Variants in PLEKHB1 observed in about 807,000 individuals in gnomAD.
PLEKHB1 encodes the protein pleckstrin homology domain containing B1, also known as pleckstrin homology domain-containing family B member 1.
A neutral mutation model predicts 36.2 loss-of-function variants in PLEKHB1; 29 were observed. That is an observed-to-expected ratio of 0.80 (90% CI 0.60 to 1.09). The LOEUF (loss-of-function observed/expected upper bound fraction) is 1.09, where lower values mean the gene tolerates loss of function less well. PLEKHB1 is among the 50% of genes least tolerant of loss of function. The probability of loss-of-function intolerance (pLI) is 0.00; values close to 1 mark genes in which losing one functional copy is unlikely to be tolerated. For synonymous variants in PLEKHB1, 138 were observed against 140.0 expected, an observed-to-expected ratio of 0.99 and a Z score of 0.10; for missense variants, 330 against 348.2, an observed-to-expected ratio of 0.95 and a Z score of 0.42.
intron 1 of PLEKHB1, 86 bp from the exon 2 acceptor site, chr11:73,648,926 G>C (rs1944825077): frequency 8.6e-6 from 13 of 1,517,452 alleles, no homozygotes; most frequent in Admixed American, 2.2e-5. Context: ...ACGTTTCCTG[G>C]GTGGCTCCCC....
chr11:73,654,238 G>A (rs1944952482), intron 5 of PLEKHB1, among the ~76,000 whole-genome samples: 1 of 152,210 alleles, frequency 6.6e-6, no homozygotes, highest in African/African-American at 2.4e-5. Flanking sequence ...GGAAGTGGCG[G>A]TTTGAAGAGC....
At chr11:73,650,758 G>T in intron 3 of PLEKHB1, 53 bp downstream of exon 3, 5 of 1,506,510 alleles carry the variant, frequency 3.3e-6, no homozygotes, top group Non-Finnish European at 4.4e-6. Context: ...AGAGCCTCCC[G>T]CTGTCTCCGA....
rs747993373 is a variant in PLEKHB1, at chr11:73,651,769, T to G, written c.248-19T>G. On this transcript the variant is annotated intron_variant, in intron 3 of 7. Coordinates refer to ENST00000354190, the MANE Select transcript of PLEKHB1 (RefSeq NM_021200.3). ...GGGCTTGTGCCTGTGGAAACCCATA[T>G]ATGTGTGTCTGCTTCCAGATGTGCA... 6.2e-7 allele frequency: 1 copy of G among 1,605,340 alleles called. No individual in the cohort carries two copies. The highest frequency in any genetic ancestry group is 2.2e-5 in the East Asian group (1 of 44,774).
intron 6 of PLEKHB1, among the ~76,000 whole-genome samples, chr11:73,659,368 A>T (rs1945059099): frequency 6.6e-6 from 1 of 152,126 alleles, no homozygotes; most frequent in African/African-American, 2.4e-5. Flanking sequence ...CCAGTTAGAG[A>T]GAGATACAGG....
chr11:73,646,775 G>A (rs1944779524), intron 1 of PLEKHB1, 149 bp downstream of exon 1: 3 of 823,282 alleles, frequency 3.6e-6, no homozygotes, highest in South Asian at 1.5e-5. Context: ...GAGGGTTTGC[G>A]GGGCTGAGCT....
Position 73,651,892 on chromosome 11 carries a change from T to A in PLEKHB1, c.350+2T>A. On this transcript the variant is annotated splice_donor_variant, in intron 4 of 7. Coordinates refer to ENST00000354190, the MANE Select transcript of PLEKHB1 (RefSeq NM_021200.3). LOFTEE classifies it high-confidence loss of function. ...TGCGGAGACCAAGGATGATGCCCTGTGAGTCACTCCCAGGAGAGGATGGGG... is the reference window on the plus strand; with the variant it reads ...TGCGGAGACCAAGGATGATGCCCTGAGAGTCACTCCCAGGAGAGGATGGGG... 6.2e-7 allele frequency: 1 copy of A among 1,612,048 alleles called. No individual in the cohort carries two copies. Among genetic ancestry groups the A allele is most frequent in the Non-Finnish European group, 8.5e-7 (1 of 1,178,978 alleles).
At chr11:73,659,652 AT>A (rs937332695) in intron 6 of PLEKHB1, among the ~76,000 whole-genome samples, 3 of 148,992 alleles carry the variant, frequency 2.0e-5, no homozygotes, top group African/African-American at 7.4e-5. Context: ...GAAAAAAAAA[AT>A]TCTTCCTGAG....
chr11:73,648,816 C>T, intron 1 of PLEKHB1, 196 bp from the exon 2 acceptor site: 2 of 1,335,408 alleles, frequency 1.5e-6, no homozygotes, highest in Non-Finnish European at 9.6e-7. Flanking sequence ...CAATGGCTGC[C>T]CTGCTGACCC....
Position 73,661,361 on chromosome 11 carries a change from TTCGGCGCCTTACACTG to T in PLEKHB1, c.596-104_596-89del, listed in dbSNP as rs1945113719. ...TTTGACTGGGGAGCAGGAGAGTGGGTTCGGCGCCTTACACTGGGTTGGGCTGGAGTGATGCAGGAAG... is the reference window on the plus strand; with the variant it reads ...TTTGACTGGGGAGCAGGAGAGTGGGTGGTTGGGCTGGAGTGATGCAGGAAG... On this transcript the variant is annotated intron_variant, in intron 7 of 7. Transcript: ENST00000354190. This position sits in a 1 kb window ranked among gnomAD's most constrained non-coding sequence, Gnocchi z 4.6. The T allele has an allele frequency of 3.9e-5, 51 of 1,313,568 alleles. 2 individuals are homozygous for T. The Middle Eastern group carries it at 2.6e-3, about 66-fold the overall frequency. 81.4% of individuals were successfully genotyped at this position (1,313,568 alleles called of 1,614,324 possible).
chr11:73,648,918 G>C (rs1357216103), intron 1 of PLEKHB1, 94 bp from the exon 2 acceptor site: 1 of 1,503,936 alleles, frequency 6.6e-7, no homozygotes, highest in African/African-American at 1.4e-5. Flanking sequence ...TCCCTCAAAC[G>C]TTTCCTGGGT....
At chr11:73,654,412 C>A (rs986784955) in intron 5 of PLEKHB1, among the ~76,000 whole-genome samples, 3 of 152,174 alleles carry the variant, frequency 2.0e-5, no homozygotes, top group African/African-American at 7.2e-5. Context: ...CTCAGGCATC[C>A]ACGTCCTGAG....
Position 73,651,824 on chromosome 11 carries a change from T to C in PLEKHB1, c.284T>C (p.Leu95Pro), listed in dbSNP as rs1442376741. 1 of 1,613,730 alleles carries C rather than the reference T, an allele frequency of 6.2e-7. No individual in the cohort carries two copies. Among genetic ancestry groups the C allele is most frequent in the Admixed American group, 1.7e-5 (1 of 60,022 alleles). Residue 95 changes from leucine to proline, a missense_variant, in exon 4 of 8, where the codon CTG becomes CCG. Transcript: ENST00000354190. ...CCAGAGGGCCGGAGCCGAGATGGCC[T>C]GCTGACTGTGAACCTACGGGAAGGC... ...QPPEGRSRDG[L>P]LTVNLREGGR...
At chr11:73,659,596 G>T (rs1187934974) in intron 6 of PLEKHB1, among the ~76,000 whole-genome samples, 3 of 152,134 alleles carry the variant, frequency 2.0e-5, no homozygotes, top group African/African-American at 7.2e-5. Flanking sequence ...AAGGCCAGGA[G>T]AAAGGATAGC....
Position 73,652,989 on chromosome 11 carries a change from C to T in PLEKHB1, c.365C>T (p.Ala122Val). 6.2e-7 allele frequency: 1 copy of T among 1,610,282 alleles called. No individual in the cohort carries two copies. Among genetic ancestry groups the T allele is most frequent in the Non-Finnish European group, 8.5e-7 (1 of 1,177,432 alleles). The change falls in exon 5 of 8, where the codon GCA (alanine) becomes GTA (valine). Residue 122 changes from alanine to valine, a missense_variant. By Grantham distance (64) the Ala-to-Val change is moderately conservative. Coordinates refer to ENST00000354190, the MANE Select transcript of PLEKHB1 (RefSeq NM_021200.3). ...TKDDALAWKT[A>V]LLEANSTPAP... ...TTGCTTTGCAGAGCATGGAAGACAG[C>T]ACTGCTGGAGGCAAACTCCACCCCG...
chr11:73,646,725 C>T, intron 1 of PLEKHB1, 99 bp downstream of exon 1: 1 of 1,290,322 alleles, frequency 7.7e-7, no homozygotes, highest in Non-Finnish European at 1.1e-6. Flanking sequence ...GCCCTGACAT[C>T]CTCTGGTCTC....
At chr11:73,658,378 C>A (rs543861199) in intron 6 of PLEKHB1, among the ~76,000 whole-genome samples, 1 of 152,346 alleles carries the variant, frequency 6.6e-6, no homozygotes, top group Non-Finnish European at 1.5e-5. Context: ...CTCAGCCTTT[C>A]TTCAACCCTC....
At chr11:73,649,195 C>T in intron 2 of PLEKHB1, 108 bp downstream of exon 2, 11 of 1,349,154 alleles carry the variant, frequency 8.2e-6, no homozygotes, top group East Asian at 2.6e-5. Flanking sequence ...TCATCCTTCC[C>T]TTGTTTGTCC....
chr11:73,652,177 G>A lies in PLEKHB1; in HGVS notation c.350+287G>A, dbSNP rs555138303. On this transcript the variant is annotated intron_variant, in intron 4 of 7. Transcript: ENST00000354190. ...CCTGGTCTTTAGCGGCCTCTGAGGT[G>A]AGCCCTCACCTGAGGGTGATGCAAA... The A allele has an allele frequency of 6.6e-5, 29 of 439,770 alleles. No individual in the cohort carries two copies. The Middle Eastern group carries it at 3.3e-3, about 50-fold the overall frequency. The allele number at this position is 439,770 out of a possible 1,614,324, so 27.2% of individuals were successfully genotyped here. A position where few individuals can be genotyped will look rare whatever the true frequency, so the allele number is the denominator to read the frequency against.
chr11:73,660,802 A>G lies in PLEKHB1; in HGVS notation c.545A>G (p.Asn182Ser), dbSNP rs200195541. 3.6e-5 allele frequency: 58 copies of G among 1,602,982 alleles called. No individual in the cohort carries two copies. Among genetic ancestry groups the G allele is most frequent in the Middle Eastern group, 1.7e-4 (1 of 6,046 alleles). Residue 182 changes from asparagine (N) to serine (S), a missense_variant, in exon 7 of 8, where the codon AAT (asparagine) becomes AGT (serine). By Grantham distance (46) the Asn-to-Ser change is conservative. Transcript: ENST00000354190. The stretch of plus-strand genomic sequence containing the variant: ...GACTACTACGAGGTGGTGCCCCCCA[A>G]TGCACACGAGGCCACGTATGTCCGC... ...YQDYYEVVPP[N>S]AHEATYVRSY...
Sources: gnomAD v4.1 joint callset for allele counts (sites outside exome capture counted in the v4.1 genomes callset) on GRCh38, gnomAD v4.1.1 for gene constraint, Gnocchi (gnomAD v3.1) non-coding constraint, MANE v1.5 for transcripts, NCBI Gene and HGNC (gene_info 2026-07-23, HGNC 2026-07-21) for gene names.